Variants in ROS1 observed in about 807,000 individuals in gnomAD.
ROS1 encodes proto-oncogene tyrosine-protein kinase ROS.
ROS1 carries 263 observed loss-of-function variants against 273.5 expected under a neutral mutation model. The observed-to-expected ratio is 0.96, with a 90% CI of 0.87 to 1.06. The LOEUF is 1.06. ROS1 is among the 50% of genes least tolerant of loss of function. The pLI is 0.00. For synonymous variants in ROS1, 1,008 were observed against 954.1 expected, an observed-to-expected ratio of 1.06 and a Z score of -1.04; for missense variants, 2,833 against 2,751.1, an observed-to-expected ratio of 1.03 and a Z score of -0.67.
At chr6:117,383,066 CA>C (rs936720878) in intron 17 of ROS1, among the ~76,000 whole-genome samples, 22 of 151,212 alleles carry the variant, frequency 1.5e-4, no homozygotes, top group African/African-American at 5.3e-4. Flanking sequence ...ATAAAGTAAA[CA>C]AAAAAAATCT....
intron 38 of ROS1, 98 bp from the exon 39 acceptor site, chr6:117,317,370 C>T (rs2128556072): frequency 7.4e-7 from 1 of 1,344,784 alleles, no homozygotes. Flanking sequence ...CAATAGTTTC[C>T]TTCAAAACCC....
At chr6:117,423,032 A>T (rs1000486661) in intron 1 of ROS1, among the ~76,000 whole-genome samples, 8 of 152,118 alleles carry the variant, frequency 5.3e-5, no homozygotes, top group African/African-American at 1.9e-4. Context: ...ATTCAAAAAA[A>T]AAAGGGGGTT....
At chr6:117,309,982 G>A (rs988247468) in intron 41 of ROS1, 99 bp downstream of exon 41, 5 of 1,062,548 alleles carry the variant, frequency 4.7e-6, no homozygotes, top group Non-Finnish European at 7.1e-6. Flanking sequence ...CTGGTCTTCT[G>A]TTTTCTCACA....
chr6:117,362,113 G>T (rs1779850574), intron 22 of ROS1, among the ~76,000 whole-genome samples: 1 of 151,992 alleles, frequency 6.6e-6, no homozygotes, highest in African/African-American at 2.4e-5. Flanking sequence ...AGCTTCAAAA[G>T]AAAAGCAAAA....
chr6:117,299,600 T>G (rs1774522444), intron 43 of ROS1: 1 of 152,222 alleles, frequency 6.6e-6, no homozygotes, highest in African/African-American at 2.4e-5. Flanking sequence ...GCACTGCCAG[T>G]CTTATAGTCA....
At chr6:117,383,635 G>A (rs1032549122) in intron 16 of ROS1, 127 bp from the exon 17 acceptor site, 9 of 757,196 alleles carry the variant, frequency 1.2e-5, no homozygotes, top group Admixed American at 1.0e-4. Context: ...ATAGTGATTG[G>A]CACTATGTGC....
chr6:117,360,673 G>A (rs1779726269), intron 22 of ROS1, among the ~76,000 whole-genome samples: 1 of 152,048 alleles, frequency 6.6e-6, no homozygotes, highest in Non-Finnish European at 1.5e-5. Context: ...TTCTAAAAAT[G>A]TCTGGGGATT....
chr6:117,371,957 G>T (rs371053073), intron 18 of ROS1, among the ~76,000 whole-genome samples: 1 of 152,146 alleles, frequency 6.6e-6, no homozygotes, highest in Non-Finnish European at 1.5e-5. Flanking sequence ...GCCTAACCCT[G>T]CCCCAACTGA....
At chr6:117,373,004 T>C (rs975043471) in intron 18 of ROS1, among the ~76,000 whole-genome samples, 1 of 152,196 alleles carries the variant, frequency 6.6e-6, no homozygotes. Flanking sequence ...GCGTTTACAA[T>C]ACCTGAGCTA....
At chr6:117,411,308 C>A (rs1193807250) in intron 4 of ROS1, among the ~76,000 whole-genome samples, 3 of 150,902 alleles carry the variant, frequency 2.0e-5, no homozygotes, top group Non-Finnish European at 3.0e-5. Context: ...CCCTTCACCC[C>A]GCCCTGAACC....
At chr6:117,415,493 T>C (rs142679314) in intron 3 of ROS1, among the ~76,000 whole-genome samples, 1 of 152,284 alleles carries the variant, frequency 6.6e-6, no homozygotes, top group African/African-American at 2.4e-5. Context: ...GGGAACCCAC[T>C]TTTAAAAGGC....
chr6:117,425,549 C>T lies in ROS1; in HGVS notation c.108G>A (p.Ser36=), dbSNP rs745896372. 13 of 1,595,862 alleles carry T rather than the reference C, an allele frequency of 8.1e-6. No individual in the cohort carries two copies. Among genetic ancestry groups the T allele is most frequent in the Middle Eastern group, 1.7e-4 (1 of 6,044 alleles). ...TGAGACTTACCAGATTAGTTACACACGACTTTAGGCAGCTATTTAAAACTG... is the reference window on the plus strand; with the variant it reads ...TGAGACTTACCAGATTAGTTACACATGACTTTAGGCAGCTATTTAAAACTG... ...QCTVLNSCLK[S]CVTNLGQQLD... The change falls in exon 1 of 44, where the codon TCG becomes TCA. Residue 36 remains serine, a synonymous_variant. Coordinates refer to ENST00000368507, the MANE Select transcript of ROS1 (RefSeq NM_001378902.1).
chr6:117,290,872 C>T (rs552876915), intron 43 of ROS1, among the ~76,000 whole-genome samples: 28 of 152,144 alleles, frequency 1.8e-4, no homozygotes, highest in Admixed American at 9.8e-4. Flanking sequence ...TTCTTCTCTA[C>T]GTACATATCT....
intron 16 of ROS1, 40 bp from the exon 17 acceptor site, chr6:117,383,548 G>A (rs1232804956): frequency 7.2e-7 from 1 of 1,394,912 alleles, no homozygotes. Flanking sequence ...TGGCTTTCAA[G>A]TGACATTATT....
intron 36 of ROS1, 97 bp downstream of exon 36, chr6:117,321,162 C>T (rs2128562774): frequency 7.6e-7 from 1 of 1,309,926 alleles, no homozygotes; most frequent in Non-Finnish European, 1.0e-6. Context: ...TGGTATAAAC[C>T]ATGACTGTCT....
intron 27 of ROS1, among the ~76,000 whole-genome samples, chr6:117,346,007 G>A (rs192282520): frequency 1.4e-4 from 22 of 152,238 alleles, no homozygotes; most frequent in African/African-American, 5.1e-4. Context: ...GGGGTTTAGA[G>A]ATGGATAACC....
At chr6:117,352,794 T>A (rs1299897851) in intron 27 of ROS1, among the ~76,000 whole-genome samples, 196 bp downstream of exon 27, 2 of 152,230 alleles carry the variant, frequency 1.3e-5, no homozygotes, top group Non-Finnish European at 2.9e-5. Flanking sequence ...CACCCTGAGC[T>A]GTGTTTACAC....
At chr6:117,300,919 T>C in intron 43 of ROS1, 55 bp downstream of exon 43, 1 of 1,374,570 alleles carries the variant, frequency 7.3e-7, no homozygotes, top group Non-Finnish European at 9.7e-7. Context: ...CCATTTTAAC[T>C]TTGTTCAGTT....
At chr6:117,314,781 A>G (rs1775788782) in intron 39 of ROS1, among the ~76,000 whole-genome samples, 1 of 152,168 alleles carries the variant, frequency 6.6e-6, no homozygotes, top group South Asian at 2.1e-4. Context: ...TTAAACTGGC[A>G]TATGTCAGGG....
Sources: gnomAD v4.1 joint callset for allele counts (sites outside exome capture counted in the v4.1 genomes callset) on GRCh38, gnomAD v4.1.1 for gene constraint, MANE v1.5 for transcripts, NCBI Gene and HGNC (gene_info 2026-07-23, HGNC 2026-07-21) for gene names.